ASIC2: variants seen among roughly 807,000 people sequenced by gnomAD.
ASIC2 encodes acid sensing ion channel subunit 2.
Under a neutral mutation model 57.3 loss-of-function variants are expected in ASIC2, and 25 were observed. That is an observed-to-expected ratio of 0.44 (90% CI 0.32 to 0.61). ASIC2 has a LOEUF of 0.61. ASIC2 is among the 20% of genes least tolerant of loss of function. ASIC2 has a pLI of 0.06. For synonymous variants in ASIC2, 319 were observed against 307.5 expected (o/e 1.04, Z -0.39); for missense variants, 641 against 738.1 (o/e 0.87, Z 1.52).
intron 3 of ASIC2, among the ~76,000 whole-genome samples, chr17:33,082,330 A>T (rs1391865748): frequency 6.6e-6 from 1 of 152,214 alleles, no homozygotes; most frequent in African/African-American, 2.4e-5. Context: ...ATGGATCAAC[A>T]CTTAGAAAAC....
intron 1 of ASIC2, among the ~76,000 whole-genome samples, chr17:33,681,988 A>G (rs1217716186): frequency 6.6e-6 from 1 of 151,718 alleles, no homozygotes; most frequent in Non-Finnish European, 1.5e-5. Context: ...GTGCTTGTAC[A>G]AGGTGACCTT....
At chr17:33,050,302 AC>A (rs2091970304) in intron 3 of ASIC2, among the ~76,000 whole-genome samples, 1 of 152,210 alleles carries the variant, frequency 6.6e-6, no homozygotes, top group African/African-American at 2.4e-5. Flanking sequence ...AGTTTGGTTG[AC>A]AAAACGTATT....
intron 1 of ASIC2, among the ~76,000 whole-genome samples, chr17:33,685,208 T>C (rs2142060215): frequency 6.6e-6 from 1 of 152,246 alleles, no homozygotes; most frequent in Admixed American, 6.5e-5. Context: ...AGCAGGTGCG[T>C]TTGTTGCTTT....
At chr17:33,922,323 CCTTTT>C (rs1915725419) in intron 1 of ASIC2, among the ~76,000 whole-genome samples, 1 of 152,118 alleles carries the variant, frequency 6.6e-6, no homozygotes, top group Admixed American at 6.5e-5. Flanking sequence ...TTCCTTCCTT[CCTTTT>C]CTTTTCTTTG....
chr17:33,638,096 A>C (rs1481425757), intron 1 of ASIC2, among the ~76,000 whole-genome samples: 2 of 152,196 alleles, frequency 1.3e-5, no homozygotes, highest in African/African-American at 2.4e-5. Context: ...CTCAAAAGAC[A>C]AATCTTAGGT....
intron 1 of ASIC2, among the ~76,000 whole-genome samples, chr17:33,146,655 T>C (rs879309596): frequency 6.6e-6 from 1 of 152,178 alleles, no homozygotes; most frequent in Non-Finnish European, 1.5e-5. Flanking sequence ...TGTGCCCAGC[T>C]CATGCCTCTG....
chr17:33,391,254 A>G (rs937835562), intron 1 of ASIC2, among the ~76,000 whole-genome samples: 1 of 152,210 alleles, frequency 6.6e-6, no homozygotes, highest in African/African-American at 2.4e-5. Context: ...AACTCAGGTC[A>G]CCTGCTTTTT....
chr17:33,232,996 A>T (rs1908166800), intron 1 of ASIC2, among the ~76,000 whole-genome samples: 1 of 151,790 alleles, frequency 6.6e-6, no homozygotes, highest in Non-Finnish European at 1.5e-5. Flanking sequence ...CCTGTCTTTC[A>T]CTTGTGAAGT....
intron 4 of ASIC2, among the ~76,000 whole-genome samples, chr17:33,026,532 A>G (rs2091859967): frequency 6.6e-6 from 1 of 152,244 alleles, no homozygotes; most frequent in Non-Finnish European, 1.5e-5. Flanking sequence ...CAGCACAACC[A>G]CACTGCTGTA....
chr17:33,770,153 C>T (rs575985041), intron 1 of ASIC2, among the ~76,000 whole-genome samples: 21 of 152,346 alleles, frequency 1.4e-4, no homozygotes, highest in African/African-American at 4.8e-4. Context: ...TCTCACCCAG[C>T]TCTGTGGTGG....
intron 1 of ASIC2, chr17:34,002,855 G>A (rs1374634284): frequency 3.9e-5 from 6 of 152,158 alleles, no homozygotes; most frequent in Non-Finnish European, 7.4e-5. Context: ...TCTATCAAAT[G>A]TATCAAACAA....
chr17:34,095,683 A>G (rs1910514761), intron 1 of ASIC2, among the ~76,000 whole-genome samples: 1 of 136,174 alleles, frequency 7.3e-6, no homozygotes, highest in South Asian at 2.2e-4. Flanking sequence ...AGAGAGAGAT[A>G]TATATAATTT....
intron 1 of ASIC2, among the ~76,000 whole-genome samples, chr17:33,663,211 C>T (rs1054697463): frequency 6.6e-5 from 10 of 152,200 alleles, no homozygotes; most frequent in Admixed American, 5.9e-4. Flanking sequence ...CCAAGCTTTC[C>T]AGGTTCACGC....
chr17:33,965,130 T>C (rs772847440), intron 1 of ASIC2, among the ~76,000 whole-genome samples: 13 of 152,210 alleles, frequency 8.5e-5, no homozygotes, highest in Non-Finnish European at 1.8e-4. Flanking sequence ...ACGGCTCTTA[T>C]TGAATGCCTA....
intron 1 of ASIC2, among the ~76,000 whole-genome samples, chr17:33,357,415 A>C (rs1241695893): frequency 6.6e-6 from 1 of 152,220 alleles, no homozygotes; most frequent in Non-Finnish European, 1.5e-5. Context: ...ACAACTGGCC[A>C]GACTTAAATT....
At chr17:33,942,536 G>A (rs758750635) in intron 1 of ASIC2, among the ~76,000 whole-genome samples, 5 of 152,102 alleles carry the variant, frequency 3.3e-5, no homozygotes, top group Non-Finnish European at 7.3e-5. Flanking sequence ...CCCTTTTTCT[G>A]GTTGGGTGAC....
intron 1 of ASIC2, among the ~76,000 whole-genome samples, chr17:33,407,989 G>T (rs551858198): frequency 6.6e-6 from 1 of 151,712 alleles, no homozygotes; most frequent in South Asian, 2.1e-4. Context: ...TGGTGGGGAG[G>T]CATTTGGGGC....
intron 1 of ASIC2, among the ~76,000 whole-genome samples, chr17:33,924,394 G>T (rs1915779054): frequency 6.6e-6 from 1 of 152,218 alleles, no homozygotes; most frequent in African/African-American, 2.4e-5. Flanking sequence ...AGAACACATG[G>T]AGTCCGCCAG....
At chr17:34,086,444 G>A (rs1238210705) in intron 1 of ASIC2, among the ~76,000 whole-genome samples, 4 of 152,038 alleles carry the variant, frequency 2.6e-5, no homozygotes, top group Admixed American at 1.3e-4. Context: ...TTTCTGAGGA[G>A]AGCTTTACTT....
Sources: allele counts gnomAD v4.1 joint callset (sites outside exome capture counted in the v4.1 genomes callset), GRCh38; gene constraint gnomAD v4.1.1; transcripts MANE v1.5; gene names NCBI Gene and HGNC (gene_info 2026-07-23, HGNC 2026-07-21).